Variants in NEK7 observed in about 807,000 individuals in gnomAD.
The protein encoded by NEK7 is NIMA related kinase 7, also known as serine/threonine-protein kinase Nek7.
In NEK7, 18 loss-of-function variants were observed where a neutral mutation model predicts 44.6. The ratio of observed to expected loss-of-function variants is 0.40; its 90% CI spans 0.28 to 0.60. The LOEUF is 0.60. Among genes scored for constraint, NEK7 ranks in the 20% least tolerant of loss-of-function variants. NEK7 has a pLI of 0.38. For synonymous variants in NEK7, 130 were observed against 121.1 expected (o/e 1.07, Z -0.48); for missense variants, 256 against 366.5 (o/e 0.70, Z 2.46).
intron 2 of NEK7, among the ~76,000 whole-genome samples, chr1:198,249,787 GC>G (rs1283524170): frequency 1.5e-5 from 2 of 134,564 alleles, no homozygotes; most frequent in Non-Finnish European, 3.1e-5. Context: ...CTGGATATTA[GC>G]CCTTTGTCAG....
chr1:198,171,678 G>GA (rs574229281), intron 1 of NEK7, among the ~76,000 whole-genome samples: 21,954 of 141,126 alleles, frequency 0.16, 1,738 homozygotes, highest in East Asian at 0.23. Context: ...GACTCCGTCT[G>GA]AAAAAAAAAA....
intron 9 of NEK7, among the ~76,000 whole-genome samples, chr1:198,311,940 A>G (rs1005422003): frequency 2.6e-5 from 4 of 152,172 alleles, no homozygotes; most frequent in Non-Finnish European, 5.9e-5. Context: ...TATCAGGATG[A>G]TGCTGGCCTC....
chr1:198,314,253 G>A (rs561965411), intron 9 of NEK7, among the ~76,000 whole-genome samples: 100 of 152,074 alleles, frequency 6.6e-4, no homozygotes, highest in African/African-American at 2.3e-3. Context: ...CATTCTTCAC[G>A]TAGTTCTCGA....
chr1:198,268,447 T>C (rs896317344), intron 5 of NEK7, among the ~76,000 whole-genome samples: 5 of 152,016 alleles, frequency 3.3e-5, no homozygotes, highest in Non-Finnish European at 2.9e-5. Flanking sequence ...CTGTTTATTT[T>C]TTCTTCTAAA....
At chr1:198,224,960 GGATGTAGGCGTTTATA>G (rs1347038260) in intron 1 of NEK7, among the ~76,000 whole-genome samples, 5 of 152,100 alleles carry the variant, frequency 3.3e-5, no homozygotes, top group African/African-American at 1.2e-4. Flanking sequence ...GTGGACAGTT[GGATGTAGGCGTTTATA>G]GTTCAGAGCT....
chr1:198,159,681 C>T (rs1664040624), intron 1 of NEK7, among the ~76,000 whole-genome samples: 1 of 152,142 alleles, frequency 6.6e-6, no homozygotes, highest in Non-Finnish European at 1.5e-5. Context: ...TAGCACCCAC[C>T]ATTGCTTTCC....
At chr1:198,270,678 G>C (rs746645680) in intron 5 of NEK7, among the ~76,000 whole-genome samples, 1 of 151,882 alleles carries the variant, frequency 6.6e-6, no homozygotes, top group Non-Finnish European at 1.5e-5. Flanking sequence ...AAATTTGCTA[G>C]GAGCCTTAAA....
At chr1:198,215,014 G>A (rs988884261) in intron 1 of NEK7, among the ~76,000 whole-genome samples, 5 of 152,100 alleles carry the variant, frequency 3.3e-5, no homozygotes, top group African/African-American at 9.7e-5. Flanking sequence ...GAAGGGATTG[G>A]GTTCCTATCT....
intron 1 of NEK7, among the ~76,000 whole-genome samples, chr1:198,204,591 C>T (rs1363757057): frequency 1.3e-5 from 2 of 151,312 alleles, no homozygotes; most frequent in African/African-American, 4.9e-5. Flanking sequence ...AGGTGGTGGG[C>T]GCCTGTAGTC....
At chr1:198,250,767 A>G (rs1399880668) in intron 2 of NEK7, among the ~76,000 whole-genome samples, 8 of 141,516 alleles carry the variant, frequency 5.7e-5, no homozygotes, top group African/African-American at 1.6e-4. Flanking sequence ...TTATCAGCTT[A>G]AGGAGATTTT....
intron 2 of NEK7, among the ~76,000 whole-genome samples, chr1:198,246,755 A>G (rs1014460989): frequency 1.1e-4 from 16 of 152,264 alleles, no homozygotes; most frequent in Admixed American, 9.8e-4. Flanking sequence ...TTGTGCAGAC[A>G]GAAGATGGAA....
At chr1:198,264,319 A>G in intron 5 of NEK7, 84 bp downstream of exon 5, 1 of 976,830 alleles carries the variant, frequency 1.0e-6, no homozygotes, top group South Asian at 1.5e-5. Flanking sequence ...GGGATATTAG[A>G]TATTTTAAAC....
At chr1:198,208,939 C>T (rs181154098) in intron 1 of NEK7, among the ~76,000 whole-genome samples, 2 of 151,864 alleles carry the variant, frequency 1.3e-5, no homozygotes, top group Non-Finnish European at 2.9e-5. Flanking sequence ...ATGTTGGGTT[C>T]GCTTTTCTTG....
chr1:198,233,635 T>A (rs1334549667), intron 2 of NEK7, among the ~76,000 whole-genome samples: 1 of 152,170 alleles, frequency 6.6e-6, no homozygotes, highest in Non-Finnish European at 1.5e-5. Flanking sequence ...AAACAGTGAC[T>A]TTGTGGCAGT....
intron 1 of NEK7, among the ~76,000 whole-genome samples, chr1:198,228,071 G>T (rs1022621962): frequency 1.1e-4 from 17 of 152,142 alleles, no homozygotes; most frequent in African/African-American, 3.4e-4. Flanking sequence ...GGATCCAGTT[G>T]CAGCTTTCTA....
intron 7 of NEK7, 53 bp from the exon 8 acceptor site, chr1:198,292,892 C>T: frequency 1.1e-6 from 1 of 940,818 alleles, no homozygotes. Flanking sequence ...CTGACCACAG[C>T]TGTATCTTTA....
At chr1:198,177,976 G>A (rs566789803) in intron 1 of NEK7, among the ~76,000 whole-genome samples, 183 of 151,974 alleles carry the variant, frequency 1.2e-3, no homozygotes, top group Non-Finnish European at 2.1e-3. Context: ...GAATATAAAA[G>A]ACAAGTGTCA....
intron 8 of NEK7, 26 bp downstream of exon 8, chr1:198,293,065 T>C: frequency 8.5e-7 from 1 of 1,171,108 alleles, no homozygotes; most frequent in Non-Finnish European, 1.3e-6. Context: ...AAATTCCAAA[T>C]ATTGATGCAG....
intron 1 of NEK7, among the ~76,000 whole-genome samples, chr1:198,217,010 A>C (rs565078319): frequency 6.6e-6 from 1 of 152,208 alleles, no homozygotes; most frequent in East Asian, 1.9e-4. Flanking sequence ...TTCACAGCCA[A>C]ATTCTACCAG....
Sources: gnomAD v4.1 joint callset for allele counts (sites outside exome capture counted in the v4.1 genomes callset) on GRCh38, gnomAD v4.1.1 for gene constraint, MANE v1.5 for transcripts, NCBI Gene and HGNC (gene_info 2026-07-23, HGNC 2026-07-21) for gene names.